NUP214: variants seen among roughly 807,000 people sequenced by gnomAD.
The protein encoded by NUP214 is nucleoporin 214.
In NUP214, 79 loss-of-function variants were observed where a neutral mutation model predicts 196.2. The observed-to-expected ratio is 0.40, with a 90% CI of 0.34 to 0.49. The LOEUF (loss-of-function observed/expected upper bound fraction) is 0.49, where lower values mean the gene tolerates loss of function less well. Among genes scored for constraint, NUP214 ranks in the 20% least tolerant of loss-of-function variants. NUP214 has a pLI of 0.58. For missense variants in NUP214, 2,468 were observed against 2,539.0 expected (o/e 0.97, Z 0.60); for synonymous variants, 1,020 against 990.5 (o/e 1.03, Z -0.56).
intron 21 of NUP214, among the ~76,000 whole-genome samples, chr9:131,166,759 C>CT (rs1016034388): frequency 7.4e-5 from 11 of 147,792 alleles, no homozygotes; most frequent in South Asian, 4.3e-4. Context: ...TTGCCTTTGC[C>CT]TTTTTTTTTT....
At chr9:131,134,807 CTT>C in intron 7 of NUP214, 89 bp from the exon 8 acceptor site, 1 of 796,894 alleles carries the variant, frequency 1.3e-6, no homozygotes, top group South Asian at 1.6e-5. Context: ...TCTCATATAA[CTT>C]TAAATGATTT....
At chr9:131,169,741 T>G (rs1433219536) in intron 21 of NUP214, among the ~76,000 whole-genome samples, 1 of 152,190 alleles carries the variant, frequency 6.6e-6, no homozygotes, top group Non-Finnish European at 1.5e-5. Context: ...TACCTAACTC[T>G]GCTGTTGTAA....
chr9:131,128,669 C>T, intron 3 of NUP214, 186 bp downstream of exon 3: 2 of 500,826 alleles, frequency 4.0e-6, no homozygotes, highest in Non-Finnish European at 6.7e-6. Flanking sequence ...TCAAGAAATT[C>T]TTTCATAACG....
chr9:131,167,312 T>G (rs1421112150), intron 21 of NUP214: 1 of 152,244 alleles, frequency 6.6e-6, no homozygotes, highest in African/African-American at 2.4e-5. Context: ...TCCGTGTTGT[T>G]GCCTCTAGCT....
Position 131,163,034 on chromosome 9 carries a change from G to A in NUP214, c.2584G>A (p.Ala862Thr). 1 of 1,614,152 alleles carries A rather than the reference G, an allele frequency of 6.2e-7. No individual in the cohort carries two copies. The highest frequency in any genetic ancestry group is 8.5e-7 in the Non-Finnish European group (1 of 1,180,018). ...PERETLFNTL[A>T]NNREIINQQR... ...GCGAGAGACACTGTTTAACACCCTA[G>A]CCAACAATCGGGAAATCATCAACCA... The change falls in exon 19 of 36, where the codon GCC (alanine) becomes ACC (threonine). Residue 862 changes from alanine to threonine, a missense_variant. Ala to Thr is a moderately conservative substitution (Grantham distance 58, BLOSUM62 0). Around this residue, in one of 5 missense-constraint regions of NUP214, gnomAD observed 1,801 missense variants for 1,779.4 expected, o/e 1.01. Coordinates refer to ENST00000359428, the MANE Select transcript of NUP214 (RefSeq NM_005085.4).
At chr9:131,202,158 C>T (rs541341817) in intron 30 of NUP214, among the ~76,000 whole-genome samples, 2 of 152,222 alleles carry the variant, frequency 1.3e-5, no homozygotes, top group Non-Finnish European at 2.9e-5. Context: ...GACACAGTCT[C>T]GCTATGTTGT....
Position 131,130,844 on chromosome 9 carries a change from C to G in NUP214, c.663+8C>G. The G allele has an allele frequency of 6.2e-7, 1 of 1,612,854 alleles. No individual in the cohort carries two copies. On this transcript the variant is annotated splice_region_variant and intron_variant, in intron 5 of 35. Coordinates refer to ENST00000359428, the MANE Select transcript of NUP214 (RefSeq NM_005085.4). ...GTGGTCCAGTATCTTCCTGTAAGTT[C>G]TTATCTTGAACTTCAGAATTTTTCT... is the stretch of plus-strand genomic sequence containing the variant.
At chr9:131,163,380 GTTAAA>G in intron 19 of NUP214, 3 of 541,284 alleles carry the variant, frequency 5.5e-6, no homozygotes, top group East Asian at 3.1e-5. Context: ...TTGTTGGAGA[GTTAAA>G]TTAAGTCTGT....
In NUP214 at chr9:131,175,557, C is replaced by A; in HGVS notation, c.3255C>A (p.Pro1085=). 1 of 1,614,220 alleles carries A rather than the reference C, an allele frequency of 6.2e-7. No individual in the cohort carries two copies. The highest frequency in any genetic ancestry group is 8.5e-7 in the Non-Finnish European group (1 of 1,180,032). Reference sequence around the variant, plus strand: ...ATGGTGCACCTAGTCCTTCCCACCCCATCTCAGCCCCGCAGGCAGCTGCCG... The same window carrying A: ...ATGGTGCACCTAGTCCTTCCCACCCAATCTCAGCCCCGCAGGCAGCTGCCG... ...VKHGAPSPSH[P]ISAPQAAAAA... is the part of the protein sequence containing the mutation. Residue 1085 remains proline (P), a synonymous_variant, in exon 23 of 36, where the codon CCC becomes CCA. Transcript: ENST00000359428.
chr9:131,130,208 A>C (rs1465875255), intron 4 of NUP214, among the ~76,000 whole-genome samples: 1 of 128,318 alleles, frequency 7.8e-6, no homozygotes, highest in African/African-American at 3.0e-5. Context: ...CAGTGGCGCG[A>C]TCTCAGCTCA....
At chr9:131,161,547 G>A (rs971664387) in intron 18 of NUP214, among the ~76,000 whole-genome samples, 10 of 152,090 alleles carry the variant, frequency 6.6e-5, no homozygotes, top group Non-Finnish European at 1.5e-4. Flanking sequence ...GTGAGCCACC[G>A]CGCCTGGCCT....
At chr9:131,229,564 C>T (rs1834814479) in intron 33 of NUP214, 1 of 401,414 alleles carries the variant, frequency 2.5e-6, no homozygotes, top group African/African-American at 2.1e-5. Context: ...CTTGGGGCGG[C>T]TCTCACACAA....
chr9:131,158,486 T>C (rs1832526829), intron 17 of NUP214, among the ~76,000 whole-genome samples: 1 of 152,258 alleles, frequency 6.6e-6, no homozygotes, highest in Non-Finnish European at 1.5e-5. Context: ...GTTAAATAGC[T>C]AAAATTTTAA....
At chr9:131,171,150 A>G (rs562455348) in intron 21 of NUP214, among the ~76,000 whole-genome samples, 2 of 152,338 alleles carry the variant, frequency 1.3e-5, no homozygotes, top group South Asian at 4.1e-4. Flanking sequence ...TGGAGGCAGC[A>G]CCATTGGCAT....
At chr9:131,153,158 T>C (rs1832324233) in intron 17 of NUP214, 1 of 152,130 alleles carries the variant, frequency 6.6e-6, no homozygotes, top group Admixed American at 6.6e-5. Context: ...CTGGCCTTAG[T>C]GTGGGGGTCC....
intron 18 of NUP214, among the ~76,000 whole-genome samples, 158 bp downstream of exon 18, chr9:131,159,644 G>T (rs1052843258): frequency 6.6e-6 from 1 of 152,190 alleles, no homozygotes; most frequent in Non-Finnish European, 1.5e-5. Flanking sequence ...GATCACCTGA[G>T]ATCGGGAGTT....
At position 131,146,137 on chromosome 9, in the gene NUP214, C is replaced by T; in HGVS notation, c.1778C>T (p.Ala593Val). 1 of 1,614,116 alleles carries T rather than the reference C, an allele frequency of 6.2e-7. No individual in the cohort carries two copies. The highest frequency in any genetic ancestry group is 1.1e-5 in the South Asian group (1 of 91,086). ...AGGCTGCCATTTTTCAGGTTTACTG[C>T]TGCAGCTACCTCTACTCCTGTTAGT... is the stretch of plus-strand genomic sequence containing the variant. ...VKVNLSEKFT[A>V]AATSTPVSSS... The change falls in exon 13 of 36, where the codon GCT (alanine) becomes GTT (valine). Residue 593 changes from alanine (A) to valine (V), a missense_variant. Ala to Val is a moderately conservative substitution (Grantham distance 64, BLOSUM62 0). Coordinates refer to ENST00000359428, the MANE Select transcript of NUP214 (RefSeq NM_005085.4). This position sits in a 1 kb window ranked among gnomAD's most constrained non-coding sequence, Gnocchi z 4.6.
At chr9:131,150,801 G>A (rs758638352) in intron 16 of NUP214, 36 bp downstream of exon 16, 4 of 1,578,146 alleles carry the variant, frequency 2.5e-6, no homozygotes, top group Non-Finnish European at 2.6e-6. Flanking sequence ...GAGTTGAATT[G>A]CATTTAACAA....
At chr9:131,187,159 T>C (rs184391024) in intron 24 of NUP214, 130 bp from the exon 25 acceptor site, 57 of 702,456 alleles carry the variant, frequency 8.1e-5, no homozygotes, top group East Asian at 5.6e-4. Flanking sequence ...ATCAGTTGTA[T>C]TGGGGTCCCA....
Sources: gnomAD v4.1 joint callset for allele counts (sites outside exome capture counted in the v4.1 genomes callset) on GRCh38, gnomAD v4.1.1 for gene constraint, gnomAD v4.1.1 regional missense constraint, Gnocchi (gnomAD v3.1) non-coding constraint, MANE v1.5 for transcripts, NCBI Gene and HGNC (gene_info 2026-07-23, HGNC 2026-07-21) for gene names.